The following CTNNA1 variants were observed in gnomAD, a reference collection of about 807,000 sequenced individuals.
CTNNA1 encodes catenin alpha-1.
In CTNNA1, 37 loss-of-function variants were observed where a neutral mutation model predicts 98.4. The ratio of observed to expected loss-of-function variants is 0.38; its 90% CI spans 0.29 to 0.49. The LOEUF (loss-of-function observed/expected upper bound fraction) is 0.49, where lower values mean the gene tolerates loss of function less well. Among genes scored for constraint, CTNNA1 ranks in the 20% least tolerant of loss-of-function variants. The probability of loss-of-function intolerance (pLI) is 0.95; values close to 1 mark genes in which losing one functional copy is unlikely to be tolerated. For synonymous variants in CTNNA1, 404 were observed against 413.2 expected, an observed-to-expected ratio of 0.98 and a Z score of 0.27; for missense variants, 761 against 1,147.2, an observed-to-expected ratio of 0.66 and a Z score of 4.86.
chr5:138,763,604 A>G (rs1374981056), intron 1 of CTNNA1, among the ~76,000 whole-genome samples: 1 of 152,196 alleles, frequency 6.6e-6, no homozygotes, highest in Admixed American at 6.5e-5. Context: ...TTGGCCTCCA[A>G]AGTGCTAGGA....
chr5:138,835,141 G>A (rs1230494625), intron 7 of CTNNA1, among the ~76,000 whole-genome samples: 1 of 152,204 alleles, frequency 6.6e-6, no homozygotes, highest in Non-Finnish European at 1.5e-5. Context: ...AATGTCATCA[G>A]TTAAGGCAGG....
intron 9 of CTNNA1, among the ~76,000 whole-genome samples, chr5:138,902,799 C>T (rs530480436): frequency 5.9e-5 from 9 of 152,260 alleles, no homozygotes; most frequent in Admixed American, 3.9e-4. Flanking sequence ...TTCAAAATGT[C>T]GTCTTAAGGC....
chr5:138,867,384 C>T lies in CTNNA1; in HGVS notation c.1063-18828C>T, dbSNP rs547407342. 5.9e-5 allele frequency among the ~76,000 whole-genome samples: 9 copies of T among 152,308 alleles called. No homozygotes were observed. In the South Asian group the frequency reaches 1.7e-3, roughly 28 times the overall value. ...AACAATAAGTGCATCTGGGCAAACA[C>T]GGCAGACTACTGGCAGTCAGCTCCT... is the stretch of plus-strand genomic sequence containing the variant. On this transcript the variant is annotated intron_variant, in intron 7 of 17. Transcript: ENST00000302763.
chr5:138,788,402 GGAGAATCTTATGTTTTTTTTAAAAAATT>G (rs1217479176), intron 3 of CTNNA1, among the ~76,000 whole-genome samples: 1 of 152,082 alleles, frequency 6.6e-6, no homozygotes, highest in Non-Finnish European at 1.5e-5. Context: ...GGGTAGGGGT[GGAGAATCTTATGTTTTTTTTAAAAAATT>G]GAGATATAAT....
intron 7 of CTNNA1, among the ~76,000 whole-genome samples, chr5:138,854,722 C>T (rs752774821): frequency 1.3e-5 from 2 of 152,160 alleles, no homozygotes; most frequent in African/African-American, 2.4e-5. Context: ...ATAATTTTTT[C>T]TCATGTTACA....
At chr5:138,772,829 ATAGATGAAAAGAG>A (rs1753692695) in intron 1 of CTNNA1, among the ~76,000 whole-genome samples, 1 of 146,616 alleles carries the variant, frequency 6.8e-6, no homozygotes, top group African/African-American at 2.5e-5. Context: ...CATTTTATAG[ATAGATGAAAAGAG>A]CACCAGAATT....
At chr5:138,883,657 C>T (rs1179824060) in intron 7 of CTNNA1, among the ~76,000 whole-genome samples, 3 of 152,218 alleles carry the variant, frequency 2.0e-5, no homozygotes, top group Non-Finnish European at 4.4e-5. Flanking sequence ...ATGAAGTCTA[C>T]ATGCTCAACC....
At position 138,932,441 on chromosome 5, in the gene CTNNA1, G is replaced by T. The variant is rs1042426873; in HGVS notation, c.2299-137G>T. 8 of 1,464,734 alleles carry T rather than the reference G, an allele frequency of 5.5e-6. No homozygotes were observed. The Admixed American group carries it at 1.2e-4, about 22-fold the overall frequency. The allele number at this position is 1,464,734 out of a possible 1,614,324, so 90.7% of individuals were successfully genotyped here. A position where few individuals can be genotyped will look rare whatever the true frequency, so the allele number is the denominator to read the frequency against. ...GTAGGCAAGGGCTGTGACTGCCTCAGGTAATTGGGTGATTTTGCTCCAGCA... is the reference window on the plus strand; with the variant it reads ...GTAGGCAAGGGCTGTGACTGCCTCATGTAATTGGGTGATTTTGCTCCAGCA... On this transcript the variant is annotated intron_variant, in intron 16 of 17. Coordinates refer to ENST00000302763, the MANE Select transcript of CTNNA1 (RefSeq NM_001903.5).
intron 8 of CTNNA1, among the ~76,000 whole-genome samples, chr5:138,886,692 C>G (rs1035399470): frequency 2.0e-5 from 3 of 152,068 alleles, no homozygotes; most frequent in Admixed American, 6.5e-5. Flanking sequence ...CCCTTAGATC[C>G]ATGGTGAAAT....
At chr5:138,767,365 A>G (rs768931063) in intron 1 of CTNNA1, among the ~76,000 whole-genome samples, 2 of 152,016 alleles carry the variant, frequency 1.3e-5, no homozygotes, top group Non-Finnish European at 2.9e-5. Flanking sequence ...TCAGCTTATT[A>G]TCTGCCACTT....
intron 16 of CTNNA1, chr5:138,931,171 T>A (rs1434287176): frequency 2.0e-6 from 1 of 495,740 alleles, no homozygotes; most frequent in Non-Finnish European, 3.7e-6. Flanking sequence ...CTCTTATGTC[T>A]CAGTTCCCTC....
At chr5:138,856,292 G>A (rs957518454) in intron 7 of CTNNA1, among the ~76,000 whole-genome samples, 4 of 152,164 alleles carry the variant, frequency 2.6e-5, no homozygotes, top group Non-Finnish European at 5.9e-5. Context: ...GTGTGAGGGA[G>A]TAAAATTAAC....
At chr5:138,789,073 C>T (rs1387313204) in intron 3 of CTNNA1, among the ~76,000 whole-genome samples, 1 of 152,114 alleles carries the variant, frequency 6.6e-6, no homozygotes, top group African/African-American at 2.4e-5. Context: ...CAGTAGATTT[C>T]CTAGGAAGAA....
chr5:138,934,785 T>TG lies in CTNNA1; in HGVS notation c.*699dup, dbSNP rs1206592684. ...CCAGCTTCAAATGCAAATTCATCAT[T>TG]GGGCTCACTTCTAATAACTGCAGTG... On this transcript the variant is annotated 3_prime_UTR_variant, in exon 18 of 18. Coordinates refer to ENST00000302763, the MANE Select transcript of CTNNA1 (RefSeq NM_001903.5). The TG allele has an allele frequency of 6.5e-6, 1 of 152,722 alleles. No homozygotes were observed. The highest frequency in any genetic ancestry group is 1.5e-5 in the Non-Finnish European group (1 of 68,110). 9.5% of individuals were successfully genotyped at this position (152,722 alleles called of 1,614,324 possible).
At chr5:138,798,983 A>AT (rs1243456827) in intron 3 of CTNNA1, among the ~76,000 whole-genome samples, 4 of 151,720 alleles carry the variant, frequency 2.6e-5, no homozygotes, top group South Asian at 2.1e-4. Context: ...TAAATTTTTA[A>AT]TTTTTTTTAT....
intron 1 of CTNNA1, among the ~76,000 whole-genome samples, chr5:138,758,736 T>G (rs1263302623): frequency 6.6e-6 from 1 of 152,204 alleles, no homozygotes; most frequent in Non-Finnish European, 1.5e-5. Flanking sequence ...CTTTAGTTTT[T>G]TGAACATCTG....
At chr5:138,898,107 G>A (rs1427574985) in intron 9 of CTNNA1, among the ~76,000 whole-genome samples, 1 of 152,048 alleles carries the variant, frequency 6.6e-6, no homozygotes, top group Non-Finnish European at 1.5e-5. Context: ...TTGTGATAGT[G>A]AGTTCTTATG....
At chr5:138,921,529 T>C (rs1383999274) in intron 11 of CTNNA1, among the ~76,000 whole-genome samples, 4 of 151,884 alleles carry the variant, frequency 2.6e-5, no homozygotes, top group Non-Finnish European at 4.4e-5. Flanking sequence ...TTGTGTTTAA[T>C]AGCAGAAATG....
At chr5:138,930,719 G>C (rs571878837) in intron 15 of CTNNA1, 65 bp downstream of exon 15, 27 of 1,574,928 alleles carry the variant, frequency 1.7e-5, no homozygotes, top group Middle Eastern at 1.7e-4. Context: ...GGTCACCTGC[G>C]CAGCGGCTCA....
Sources: gnomAD v4.1 joint callset for allele counts (sites outside exome capture counted in the v4.1 genomes callset) on GRCh38, gnomAD v4.1.1 for gene constraint, MANE v1.5 for transcripts, NCBI Gene and HGNC (gene_info 2026-07-23, HGNC 2026-07-21) for gene names.